DNAJC1: variants seen among roughly 807,000 people sequenced by gnomAD.
DNAJC1 encodes the protein dnaJ homolog subfamily C member 1.
In DNAJC1, 58 loss-of-function variants were observed where a neutral mutation model predicts 76.6. The ratio of observed to expected loss-of-function variants is 0.76; its 90% confidence interval spans 0.61 to 0.94. DNAJC1 has a LOEUF of 0.94. Ranked by LOEUF, DNAJC1 falls within the 40% of genes least tolerant of loss-of-function variation. The pLI, the probability that DNAJC1 is intolerant of heterozygous loss-of-function variation, is 0.00. For missense variants in DNAJC1, 689 were observed against 677.3 expected (o/e 1.02, Z -0.19); for synonymous variants, 258 against 267.9 (o/e 0.96, Z 0.36).
Position 21,837,172 on chromosome 10 carries a change from C to T in DNAJC1, c.979-31073G>A, listed in dbSNP as rs574472926. On this transcript the variant is annotated intron_variant, in intron 8 of 11. Coordinates refer to ENST00000376980, the MANE Select transcript of DNAJC1 (RefSeq NM_022365.4). ...GAGTGATCTGCCAGCCTCGGCCTCC[C>T]GAGGTGCCGGGATTGCAGACGGAGT... 4.6e-4 allele frequency among the ~76,000 whole-genome samples: 70 copies of T among 152,352 alleles called. 1 individual carries two copies. Among genetic ancestry groups the T allele is most frequent in the African/African-American group, 1.5e-3 (64 of 41,582 alleles).
intron 8 of DNAJC1, among the ~76,000 whole-genome samples, chr10:21,844,109 G>C (rs1835617773): frequency 6.6e-6 from 1 of 152,198 alleles, no homozygotes; most frequent in South Asian, 2.1e-4. Context: ...ATGATTATGA[G>C]ACCTCCCCAG....
chr10:21,939,306 CA>C, intron 1 of DNAJC1, among the ~76,000 whole-genome samples: 1 of 152,178 alleles, frequency 6.6e-6, no homozygotes, highest in Non-Finnish European at 1.5e-5. Context: ...AGGAAGACAA[CA>C]TTCATCCAAA....
chr10:21,786,899 C>T (rs1834618555), intron 9 of DNAJC1, among the ~76,000 whole-genome samples: 1 of 152,094 alleles, frequency 6.6e-6, no homozygotes, highest in Non-Finnish European at 1.5e-5. Flanking sequence ...AGCTGTTTTA[C>T]ATATTTATAT....
At chr10:21,810,083 C>T (rs1340616813) in intron 8 of DNAJC1, among the ~76,000 whole-genome samples, 1 of 152,054 alleles carries the variant, frequency 6.6e-6, no homozygotes, top group Non-Finnish European at 1.5e-5. Context: ...CTTACAGGCC[C>T]TAGCTTTAAA....
chr10:21,935,583 A>C (rs1250443604), intron 1 of DNAJC1, among the ~76,000 whole-genome samples: 1 of 152,198 alleles, frequency 6.6e-6, no homozygotes, highest in Non-Finnish European at 1.5e-5. Flanking sequence ...AAAAAATGAC[A>C]GCAAACTTCA....
At chr10:21,929,168 T>C (rs1192285942) in intron 1 of DNAJC1, 27 bp from the exon 2 acceptor site, 2 of 1,509,838 alleles carry the variant, frequency 1.3e-6, no homozygotes, top group Non-Finnish European at 1.8e-6. Flanking sequence ...GAGGGGAAAA[T>C]ACAAAGCAAA....
At chr10:21,831,337 G>T (rs550975803) in intron 8 of DNAJC1, among the ~76,000 whole-genome samples, 1 of 152,176 alleles carries the variant, frequency 6.6e-6, no homozygotes, top group Non-Finnish European at 1.5e-5. Flanking sequence ...TCTGCCCCAA[G>T]TGGGTATTAA....
At chr10:21,914,160 C>A (rs1307764948) in intron 6 of DNAJC1, among the ~76,000 whole-genome samples, 4 of 152,112 alleles carry the variant, frequency 2.6e-5, no homozygotes, top group Non-Finnish European at 1.5e-5. Flanking sequence ...TGCATCTTGT[C>A]CTTGAATACT....
Position 21,918,799 on chromosome 10 carries a change from C to T in DNAJC1, c.709G>A (p.Ala237Thr). ...TTTACCTGGATGAGGTGAGGTAATG[C>T]TTTTAGTGTAAGGCAAAACCAAATC... ...LGIWFCLTLK[A>T]LPHLIQDAGQ... Residue 237 changes from alanine (A) to threonine (T), a missense_variant, in exon 6 of 12, where the codon GCA becomes ACA. Ala to Thr is a moderately conservative substitution (Grantham distance 58). Coordinates refer to ENST00000376980, the MANE Select transcript of DNAJC1 (RefSeq NM_022365.4). 1.2e-6 allele frequency: 2 copies of T among 1,612,878 alleles called. No homozygotes were observed. The highest frequency in any genetic ancestry group is 2.2e-5 in the East Asian group (1 of 44,816).
chr10:21,829,372 C>A (rs1245716887), intron 8 of DNAJC1, among the ~76,000 whole-genome samples: 5 of 152,170 alleles, frequency 3.3e-5, no homozygotes, highest in Non-Finnish European at 5.9e-5. Flanking sequence ...CACCACTATG[C>A]CCGGCTAATT....
chr10:21,920,748 C>A, intron 4 of DNAJC1, 50 bp downstream of exon 4: 2 of 1,502,154 alleles, frequency 1.3e-6, no homozygotes, highest in Non-Finnish European at 1.8e-6. Context: ...GTCCAAAATT[C>A]CATATAAAAT....
chr10:21,832,658 T>A (rs1835379101), intron 8 of DNAJC1, among the ~76,000 whole-genome samples: 1 of 152,202 alleles, frequency 6.6e-6, no homozygotes. Context: ...CTGGTCTCTA[T>A]TTCTGTTAGC....
At chr10:21,911,776 A>C (rs1458952129) in intron 6 of DNAJC1, among the ~76,000 whole-genome samples, 1 of 152,186 alleles carries the variant, frequency 6.6e-6, no homozygotes, top group Admixed American at 6.5e-5. Flanking sequence ...ATTCAGTAGA[A>C]ACCATACTTC....
At chr10:21,968,573 C>A (rs994256278) in intron 1 of DNAJC1, among the ~76,000 whole-genome samples, 1 of 151,484 alleles carries the variant, frequency 6.6e-6, no homozygotes, top group African/African-American at 2.4e-5. Context: ...AGTGGCACGA[C>A]GATCTCGGCT....
intron 3 of DNAJC1, among the ~76,000 whole-genome samples, chr10:21,922,584 A>G (rs1167273291): frequency 6.6e-6 from 1 of 152,044 alleles, no homozygotes; most frequent in Non-Finnish European, 1.5e-5. Context: ...TCAAGATATA[A>G]TAATATGACT....
At chr10:21,798,948 G>C (rs1267994589) in intron 9 of DNAJC1, among the ~76,000 whole-genome samples, 12 of 152,178 alleles carry the variant, frequency 7.9e-5, no homozygotes, top group Non-Finnish European at 1.6e-4. Flanking sequence ...ATCAGAGTTT[G>C]GGAGGCTTGG....
chr10:21,758,252 C>T (rs1375588406), intron 11 of DNAJC1, among the ~76,000 whole-genome samples: 1 of 152,122 alleles, frequency 6.6e-6, no homozygotes, highest in African/African-American at 2.4e-5. Flanking sequence ...TGCCCAGAGG[C>T]GACTGAGGGA....
rs537063327 is a variant in DNAJC1 at position 21,773,877 on chromosome 10, C to T, written c.1099-7568G>A. Reference sequence around the variant, plus strand: ...GTATAAAGGGCCGGGCGCGGTGGCTCACGCCTGTAATCCCAGCACTTTGGG... The same window carrying T: ...GTATAAAGGGCCGGGCGCGGTGGCTTACGCCTGTAATCCCAGCACTTTGGG... On this transcript the variant is annotated intron_variant, in intron 9 of 11. Transcript: ENST00000376980. Among the ~76,000 whole-genome samples, 382 of 151,332 alleles carry T rather than the reference C, an allele frequency of 2.5e-3. 2 individuals carry two copies. Among genetic ancestry groups the T allele is most frequent in the African/African-American group, 8.7e-3 (360 of 41,272 alleles).
intron 9 of DNAJC1, among the ~76,000 whole-genome samples, chr10:21,791,278 A>G (rs540000631): frequency 6.6e-6 from 1 of 152,214 alleles, no homozygotes; most frequent in East Asian, 1.9e-4. Flanking sequence ...ATAGACTCCA[A>G]TACAACAACA....
Sources: gnomAD v4.1 joint callset for allele counts (sites outside exome capture counted in the v4.1 genomes callset) on GRCh38, gnomAD v4.1.1 for gene constraint, MANE v1.5 for transcripts, NCBI Gene and HGNC (gene_info 2026-07-23, HGNC 2026-07-21) for gene names.